Variants in HCRTR2 observed in about 807,000 individuals in gnomAD.
HCRTR2 encodes orexin receptor type 2.
A neutral mutation model predicts 49.0 loss-of-function variants in HCRTR2; 22 were observed. The observed-to-expected ratio is 0.45, with a 90% confidence interval of 0.32 to 0.64. The LOEUF (loss-of-function observed/expected upper bound fraction) is 0.64, where lower values mean the gene tolerates loss of function less well. Ranked by LOEUF, HCRTR2 falls within the 30% of genes least tolerant of loss-of-function variation. The probability of loss-of-function intolerance (pLI) is 0.04; values close to 1 mark genes in which losing one functional copy is unlikely to be tolerated. For missense variants in HCRTR2, 491 were observed against 559.4 expected (o/e 0.88, Z 1.23); for synonymous variants, 236 against 205.3 (o/e 1.15, Z -1.28).
chr6:55,255,217 T>A lies in HCRTR2; in HGVS notation c.484T>A (p.Phe162Ile). The change falls in exon 3 of 7, where the codon TTT (phenylalanine) becomes ATT (isoleucine). Residue 162 changes from phenylalanine (F) to isoleucine (I), a missense_variant. By Grantham distance (21) the Phe-to-Ile change is conservative. Transcript: ENST00000370862. ...GTATGCAATCTGTCACCCTTTGATG[T>A]TTAAGAGCACAGCAAAGCGGGCCCG... The part of the protein sequence containing the change: ...RWYAICHPLM[F>I]KSTAKRARNS... 1 of 1,614,060 alleles carries A rather than the reference T, an allele frequency of 6.2e-7. No individual in the cohort carries two copies. Among genetic ancestry groups the A allele is most frequent in the Non-Finnish European group, 8.5e-7 (1 of 1,179,964 alleles).
chr6:55,184,372 G>T (rs2127274721), intron 1 of HCRTR2, among the ~76,000 whole-genome samples: 1 of 152,130 alleles, frequency 6.6e-6, no homozygotes, highest in South Asian at 2.1e-4. Flanking sequence ...ACTGACTGAG[G>T]TTTCAATGCA....
At chr6:55,174,096 A>C (rs765908408), upstream of HCRTR2, 15 of 210,286 alleles carry the variant, frequency 7.1e-5, no homozygotes, top group Non-Finnish European at 1.5e-4. Flanking sequence ...GTTTATAATA[A>C]GTGCACGTAA....
chr6:55,226,139 G>A (rs1765999714), intron 1 of HCRTR2, among the ~76,000 whole-genome samples: 1 of 152,166 alleles, frequency 6.6e-6, no homozygotes, highest in Non-Finnish European at 1.5e-5. Flanking sequence ...TTTAAAAGAT[G>A]TGCTGAATCT....
intron 1 of HCRTR2, among the ~76,000 whole-genome samples, chr6:55,117,867 T>C (rs1345146797): frequency 7.7e-6 from 1 of 129,982 alleles, no homozygotes; most frequent in Non-Finnish European, 1.7e-5. Context: ...CCACAGACTG[T>C]TTGTTTTTTT....
rs534444137 is a variant in HCRTR2, at chr6:55,189,711, TG to T, written c.223+14902del. Among the ~76,000 whole-genome samples, 277 of 152,272 alleles carry T rather than the reference TG, an allele frequency of 1.8e-3. 1 individual carries two copies. The highest frequency in any genetic ancestry group is 3.0e-3 in the Non-Finnish European group (206 of 68,030). Reference sequence around the variant, plus strand: ...GGGACTTAATACCTAGGTGATGGGTTGATAGGTGTAGCAAACTATGATGACA... The same window carrying T: ...GGGACTTAATACCTAGGTGATGGGTTATAGGTGTAGCAAACTATGATGACA... On this transcript the variant is annotated intron_variant, in intron 1 of 6. Transcript: ENST00000370862.
chr6:55,162,253 T>C (rs1182605779), intron 1 of HCRTR2, among the ~76,000 whole-genome samples: 2 of 152,152 alleles, frequency 1.3e-5, no homozygotes, highest in Non-Finnish European at 2.9e-5. Context: ...ATTATCTCAA[T>C]AGATGCAGAA....
intron 1 of HCRTR2, among the ~76,000 whole-genome samples, chr6:55,155,250 C>T (rs4715524): frequency 0.49 from 74,814 of 151,420 alleles, 19,568 homozygotes; most frequent in Middle Eastern, 0.63. Flanking sequence ...ACCAATTAAA[C>T]AAACCTATGA....
At chr6:55,192,826 A>G (rs953291724) in intron 1 of HCRTR2, among the ~76,000 whole-genome samples, 2 of 152,216 alleles carry the variant, frequency 1.3e-5, no homozygotes, top group Non-Finnish European at 2.9e-5. Context: ...TTTCTGCTAA[A>G]TGTTATCTTT....
At chr6:55,239,313 T>A (rs577936063) in intron 1 of HCRTR2, among the ~76,000 whole-genome samples, 2 of 152,224 alleles carry the variant, frequency 1.3e-5, no homozygotes, top group South Asian at 4.1e-4. Context: ...GGTGCCAATT[T>A]GTGGTTGAGC....
intron 5 of HCRTR2, among the ~76,000 whole-genome samples, chr6:55,280,064 A>T (rs1280956747): frequency 6.6e-6 from 1 of 152,208 alleles, no homozygotes; most frequent in East Asian, 1.9e-4. Flanking sequence ...TCTTATTTAC[A>T]AGAAATACTG....
At chr6:55,141,507 G>A (rs1764507135) in intron 1 of HCRTR2, among the ~76,000 whole-genome samples, 1 of 152,094 alleles carries the variant, frequency 6.6e-6, no homozygotes, top group Non-Finnish European at 1.5e-5. Flanking sequence ...TGTCTCTTAT[G>A]TCAAACTGTG....
intron 3 of HCRTR2, among the ~76,000 whole-genome samples, chr6:55,261,270 T>C (rs901304852): frequency 2.0e-5 from 3 of 152,000 alleles, no homozygotes; most frequent in African/African-American, 7.2e-5. Flanking sequence ...TTATCAAAAG[T>C]TGGCTAAGAA....
chr6:55,159,999 T>TA (rs1764783722), intron 1 of HCRTR2, among the ~76,000 whole-genome samples: 1 of 152,104 alleles, frequency 6.6e-6, no homozygotes, highest in African/African-American at 2.4e-5. Context: ...ATCACAAAGA[T>TA]ACTCCTCGAG....
intron 1 of HCRTR2, among the ~76,000 whole-genome samples, chr6:55,163,975 A>G (rs1764841844): frequency 6.6e-6 from 1 of 152,202 alleles, no homozygotes. Flanking sequence ...ATGTGAACAG[A>G]CACCTCTCAA....
chr6:55,183,847 A>G (rs1225195838), intron 1 of HCRTR2, among the ~76,000 whole-genome samples: 1 of 152,218 alleles, frequency 6.6e-6, no homozygotes, highest in Admixed American at 6.5e-5. Flanking sequence ...GAAAGAAGAG[A>G]AAGAAAGAAT....
At chr6:55,130,571 T>A (rs1372291032) in intron 1 of HCRTR2, among the ~76,000 whole-genome samples, 2 of 151,898 alleles carry the variant, frequency 1.3e-5, no homozygotes, top group Non-Finnish European at 2.9e-5. Context: ...AAAATGATAC[T>A]TTGAAAGTTA....
At chr6:55,124,540 C>G (rs1293425914) in intron 1 of HCRTR2, among the ~76,000 whole-genome samples, 3 of 152,108 alleles carry the variant, frequency 2.0e-5, no homozygotes, top group African/African-American at 4.8e-5. Flanking sequence ...ATTATGTGGT[C>G]AATTTTAGAA....
intron 1 of HCRTR2, among the ~76,000 whole-genome samples, chr6:55,202,521 A>G (rs930854726): frequency 5.3e-5 from 8 of 152,158 alleles, no homozygotes; most frequent in Non-Finnish European, 1.0e-4. Flanking sequence ...TTTGTTTCCA[A>G]CTGTTTTGGA....
At chr6:55,271,709 A>G (rs1766976654) in intron 4 of HCRTR2, among the ~76,000 whole-genome samples, 1 of 150,586 alleles carries the variant, frequency 6.6e-6, no homozygotes, top group Non-Finnish European at 1.5e-5. Flanking sequence ...CAAGTAGGCA[A>G]AGACTTGAAT....
Sources: allele counts gnomAD v4.1 joint callset (sites outside exome capture counted in the v4.1 genomes callset), GRCh38; gene constraint gnomAD v4.1.1; transcripts MANE v1.5; gene names NCBI Gene and HGNC (gene_info 2026-07-23, HGNC 2026-07-21).